FAM114A1: variants seen among roughly 807,000 people sequenced by gnomAD.
FAM114A1 encodes the protein family with sequence similarity 114 member A1.
In FAM114A1, 62 loss-of-function variants were observed where a neutral mutation model predicts 64.3. That is an observed-to-expected ratio of 0.96 (90% confidence interval 0.79 to 1.19). The LOEUF is 1.19. FAM114A1 is among the 50% of genes most tolerant of loss of function. FAM114A1 has a pLI of 0.00. For synonymous variants in FAM114A1, 254 were observed against 251.1 expected (o/e 1.01, Z -0.11); for missense variants, 645 against 676.3 (o/e 0.95, Z 0.51).
intron 3 of FAM114A1, among the ~76,000 whole-genome samples, chr4:38,885,189 G>A (rs1002604285): frequency 6.6e-6 from 1 of 152,090 alleles, no homozygotes; most frequent in Admixed American, 6.5e-5. Flanking sequence ...TAGCCAGGCT[G>A]GTCTTGAACT....
rs151163376 is a variant in FAM114A1 at position 38,923,738 on chromosome 4, C to A, written c.1069+845C>A. On this transcript the variant is annotated intron_variant, in intron 9 of 14. Coordinates refer to ENST00000358869, the MANE Select transcript of FAM114A1 (RefSeq NM_138389.4). ...ACCATTTTCTGACAGTGCACCAGGG[C>A]ATGCTACATCAGGTTGGCAACCACA... 4.8e-3 allele frequency among the ~76,000 whole-genome samples: 725 copies of A among 152,278 alleles called. 7 individuals are homozygous for A. Among genetic ancestry groups the A allele is most frequent in the African/African-American group, 0.017 (707 of 41,554 alleles).
intron 3 of FAM114A1, among the ~76,000 whole-genome samples, chr4:38,878,692 C>G (rs902136): frequency 2.0e-5 from 3 of 152,154 alleles, no homozygotes; most frequent in Non-Finnish European, 4.4e-5. Context: ...TAGCCACTTT[C>G]TATGTTATGT....
intron 13 of FAM114A1, among the ~76,000 whole-genome samples, chr4:38,939,886 CTTTTTTTT>C (rs545845095): frequency 1.5e-5 from 2 of 131,668 alleles, no homozygotes; most frequent in Non-Finnish European, 1.6e-5. Context: ...CACTTTCTTT[CTTTTTTTT>C]TTTTTTTTTT....
At chr4:38,890,995 T>C (rs1050682424) in intron 3 of FAM114A1, among the ~76,000 whole-genome samples, 3 of 152,168 alleles carry the variant, frequency 2.0e-5, no homozygotes, top group African/African-American at 7.2e-5. Flanking sequence ...CTTCTCTTAA[T>C]TCTTAGTCTG....
At chr4:38,889,190 C>T (rs1278216899) in intron 3 of FAM114A1, among the ~76,000 whole-genome samples, 1 of 152,136 alleles carries the variant, frequency 6.6e-6, no homozygotes, top group Non-Finnish European at 1.5e-5. Context: ...ATTAACTCTT[C>T]CTAATCATAG....
At chr4:38,928,513 ATAT>A (rs1024544031) in intron 9 of FAM114A1, among the ~76,000 whole-genome samples, 1 of 152,106 alleles carries the variant, frequency 6.6e-6, no homozygotes, top group East Asian at 1.9e-4. Flanking sequence ...TTAATATATC[ATAT>A]TATATATTAG....
Position 38,922,818 on chromosome 4 carries a change from A to C in FAM114A1, c.994A>C (p.Lys332Gln). 6.2e-7 allele frequency: 1 copy of C among 1,613,732 alleles called. No individual in the cohort carries two copies. Among genetic ancestry groups the C allele is most frequent in the Non-Finnish European group, 8.5e-7 (1 of 1,179,910 alleles). Reference sequence around the variant, plus strand: ...TGATGGAGAGAAGCTGGAACTCTTAAAAAATGACCTAATTTCCATTAAAGA... The same window carrying C: ...TGATGGAGAGAAGCTGGAACTCTTACAAAATGACCTAATTTCCATTAAAGA... The part of the protein sequence containing the change: ...SLDGEKLELL[K>Q]NDLISIKDIF... The change falls in exon 9 of 15, where the codon AAA becomes CAA. Residue 332 changes from lysine (K) to glutamine (Q), a missense_variant. Coordinates refer to ENST00000358869, the MANE Select transcript of FAM114A1 (RefSeq NM_138389.4).
intron 3 of FAM114A1, among the ~76,000 whole-genome samples, chr4:38,888,485 A>G (rs768699897): frequency 3.9e-5 from 6 of 152,158 alleles, no homozygotes; most frequent in African/African-American, 4.8e-5. Flanking sequence ...ATCATACCAC[A>G]CACTCCAGCT....
At chr4:38,893,272 G>C (rs1254431813) in intron 4 of FAM114A1, among the ~76,000 whole-genome samples, 1 of 152,242 alleles carries the variant, frequency 6.6e-6, no homozygotes, top group Non-Finnish European at 1.5e-5. Context: ...AACTAAAAAG[G>C]AGGTTCTAAA....
intron 9 of FAM114A1, chr4:38,928,972 TG>T: frequency 2.2e-6 from 1 of 446,718 alleles, no homozygotes; most frequent in South Asian, 2.1e-5. Context: ...GGTCCCTCCC[TG>T]ACCTCTTGTT....
chr4:38,905,856 AAC>A lies in FAM114A1; in HGVS notation c.656_657del (p.Thr219ArgfsTer2). Reference sequence around the variant, plus strand: ...GTCTGCCATCACCAATGTGGTTCAAAACACAGTGAGTCGCTGGCTGCTTCCTC... The same window carrying A: ...GTCTGCCATCACCAATGTGGTTCAAAACAGTGAGTCGCTGGCTGCTTCCTC... ...MLSAITNVVQ[N>X]TGKSVLTGGL... On this transcript the variant is annotated frameshift_variant, in exon 6 of 15. Transcript: ENST00000358869. LOFTEE classifies it high-confidence loss of function. 1.2e-6 allele frequency: 2 copies of A among 1,610,566 alleles called. No homozygotes were observed. Among genetic ancestry groups the A allele is most frequent in the Admixed American group, 1.7e-5 (1 of 58,774 alleles).
intron 2 of FAM114A1, among the ~76,000 whole-genome samples, chr4:38,872,128 A>G (rs1211085786): frequency 3.9e-5 from 6 of 152,198 alleles, no homozygotes; most frequent in Non-Finnish European, 8.8e-5. Flanking sequence ...CATACCCTGG[A>G]GTGCCCATCA....
chr4:38,868,639 A>T (rs1035637018), intron 2 of FAM114A1, 93 bp downstream of exon 2: 9 of 152,284 alleles, frequency 5.9e-5, no homozygotes, highest in Non-Finnish European at 1.2e-4. Context: ...TGAGAGCATT[A>T]CCTATGCCCT....
At position 38,929,315 on chromosome 4, in the gene FAM114A1, A is replaced by C. The variant is rs1470035616; in HGVS notation, c.1143A>C (p.Thr381=). 1 of 1,613,536 alleles carries C rather than the reference A, an allele frequency of 6.2e-7. No homozygotes were observed. The highest frequency in any genetic ancestry group is 1.1e-5 in the South Asian group (1 of 91,082). The stretch of plus-strand genomic sequence containing the variant: ...TCTTTGAATTACATGTGGCGGCCAC[A>C]CCTGACAAACTCAATAAGGTCAGCA... The part of the protein sequence containing the change: ...ELLFELHVAA[T]PDKLNKAMKR... The change falls in exon 10 of 15, where the codon ACA becomes ACC. Residue 381 remains threonine (T), a synonymous_variant. Coordinates refer to ENST00000358869, the MANE Select transcript of FAM114A1 (RefSeq NM_138389.4).
intron 2 of FAM114A1, among the ~76,000 whole-genome samples, chr4:38,874,145 C>T (rs1009087016): frequency 1.6e-4 from 24 of 152,164 alleles, no homozygotes; most frequent in African/African-American, 5.6e-4. Context: ...AAGTCAGACA[C>T]GGGTTCAAAT....
intron 2 of FAM114A1, among the ~76,000 whole-genome samples, chr4:38,874,026 G>A (rs890382468): frequency 6.6e-6 from 1 of 152,178 alleles, no homozygotes; most frequent in Non-Finnish European, 1.5e-5. Flanking sequence ...AGGAGTAAAA[G>A]AATGTAGATA....
intron 5 of FAM114A1, 22 bp from the exon 6 acceptor site, chr4:38,905,733 A>G: frequency 6.2e-7 from 1 of 1,611,472 alleles, no homozygotes; most frequent in East Asian, 2.2e-5. Context: ...GAACTCTTAA[A>G]GGATTTCTTT....
intron 10 of FAM114A1, among the ~76,000 whole-genome samples, 177 bp downstream of exon 10, chr4:38,929,510 G>T (rs1720453907): frequency 1.3e-5 from 2 of 152,268 alleles, no homozygotes; most frequent in Admixed American, 1.3e-4. Context: ...TGGGCACGTG[G>T]CTCACGCCTA....
At chr4:38,882,942 A>G (rs1056822109) in intron 3 of FAM114A1, among the ~76,000 whole-genome samples, 2 of 152,220 alleles carry the variant, frequency 1.3e-5, no homozygotes, top group Non-Finnish European at 2.9e-5. Context: ...GTTTTTAAGG[A>G]CCACACCATT....
Sources: gnomAD v4.1 joint callset for allele counts (sites outside exome capture counted in the v4.1 genomes callset) on GRCh38, gnomAD v4.1.1 for gene constraint, MANE v1.5 for transcripts, NCBI Gene and HGNC (gene_info 2026-07-23, HGNC 2026-07-21) for gene names.